The following UST variants were observed in gnomAD, a reference collection of about 807,000 sequenced individuals.
UST encodes uronyl 2-sulfotransferase.
In UST, 21 loss-of-function variants were observed where a neutral mutation model predicts 45.6. That is an observed-to-expected ratio of 0.46 (90% CI 0.33 to 0.66). The LOEUF is 0.66. UST is among the 30% of genes least tolerant of loss of function. UST has a pLI of 0.02. For synonymous variants in UST, 215 were observed against 200.6 expected, an observed-to-expected ratio of 1.07 and a Z score of -0.61; for missense variants, 463 against 512.4, an observed-to-expected ratio of 0.90 and a Z score of 0.93.
In UST at chr6:148,956,477, C is replaced by T. The variant is rs753466169; in HGVS notation, c.527+2526C>T. Reference sequence around the variant, plus strand: ...CACGAGAACAGTATGGGGGAAACCACCCCATGATTCAAATTATCTCCCATC... The same window carrying T: ...CACGAGAACAGTATGGGGGAAACCATCCCATGATTCAAATTATCTCCCATC... On this transcript the variant is annotated intron_variant, in intron 4 of 7. Transcript: ENST00000367463. Among the ~76,000 whole-genome samples, 6 of 152,214 alleles carry T rather than the reference C, an allele frequency of 3.9e-5. No individual in the cohort carries two copies. The South Asian group carries it at 8.3e-4, about 21-fold the overall frequency.
chr6:148,805,778 A>C (rs1158905837), intron 1 of UST, among the ~76,000 whole-genome samples: 1 of 152,174 alleles, frequency 6.6e-6, no homozygotes, highest in Non-Finnish European at 1.5e-5. Flanking sequence ...TGTCTTGAAA[A>C]GTGGTGAATG....
At chr6:149,037,310 T>A (rs1181784247) in intron 7 of UST, among the ~76,000 whole-genome samples, 2 of 152,184 alleles carry the variant, frequency 1.3e-5, no homozygotes, top group Non-Finnish European at 2.9e-5. Context: ...ACCACTCCAT[T>A]TGAGTTTTTT....
chr6:148,987,646 C>T (rs1187223985), intron 5 of UST, among the ~76,000 whole-genome samples: 1 of 152,124 alleles, frequency 6.6e-6, no homozygotes, highest in Non-Finnish European at 1.5e-5. Flanking sequence ...TGTAACTTGC[C>T]ACTTGTACAT....
intron 1 of UST, among the ~76,000 whole-genome samples, chr6:148,844,565 G>T (rs535297371): frequency 2.0e-5 from 3 of 152,084 alleles, no homozygotes; most frequent in Admixed American, 2.0e-4. Flanking sequence ...TTCCCTGTCT[G>T]CTCCAGCCAC....
chr6:148,878,621 TGA>T (rs1778762700), intron 1 of UST, among the ~76,000 whole-genome samples: 1 of 102,898 alleles, frequency 9.7e-6, no homozygotes, highest in Admixed American at 1.3e-4. Flanking sequence ...GTGTCGTGTA[TGA>T]GTGTGGAGAT....
intron 1 of UST, among the ~76,000 whole-genome samples, chr6:148,817,293 C>G (rs964517446): frequency 6.6e-6 from 1 of 152,148 alleles, no homozygotes; most frequent in East Asian, 1.9e-4. Context: ...GTAAATACTG[C>G]TTTATTGGAA....
At chr6:148,974,708 G>A (rs573104200) in intron 5 of UST, among the ~76,000 whole-genome samples, 5 of 152,196 alleles carry the variant, frequency 3.3e-5, no homozygotes, top group Non-Finnish European at 1.5e-5. Flanking sequence ...GACAAGCAAA[G>A]CTTTTAAAAC....
At chr6:148,982,561 A>C (rs1053319146) in intron 5 of UST, among the ~76,000 whole-genome samples, 1 of 152,208 alleles carries the variant, frequency 6.6e-6, no homozygotes, top group Non-Finnish European at 1.5e-5. Context: ...TATCCTCAGC[A>C]AAGTTAATTG....
intron 7 of UST, among the ~76,000 whole-genome samples, chr6:149,022,356 T>C (rs1775992702): frequency 6.6e-6 from 1 of 152,080 alleles, no homozygotes; most frequent in Non-Finnish European, 1.5e-5. Context: ...TCCCAGCATT[T>C]TGGGAGGCCG....
intron 1 of UST, among the ~76,000 whole-genome samples, chr6:148,756,703 T>C (rs1297275944): frequency 6.6e-6 from 1 of 152,252 alleles, no homozygotes; most frequent in African/African-American, 2.4e-5. Flanking sequence ...TACCTTGTAT[T>C]GTGATCATCT....
At chr6:148,750,557 A>G (rs925106387) in intron 1 of UST, among the ~76,000 whole-genome samples, 4 of 152,220 alleles carry the variant, frequency 2.6e-5, no homozygotes, top group Non-Finnish European at 5.9e-5. Flanking sequence ...GTCTGATTGC[A>G]ATACCCATTG....
At chr6:148,787,193 A>G (rs185654131) in intron 1 of UST, among the ~76,000 whole-genome samples, 4 of 152,262 alleles carry the variant, frequency 2.6e-5, no homozygotes, top group Admixed American at 2.6e-4. Context: ...GCTGTGCAGA[A>G]GCTCTTTAGT....
At chr6:148,987,412 G>T (rs1781258721) in intron 5 of UST, among the ~76,000 whole-genome samples, 1 of 152,168 alleles carries the variant, frequency 6.6e-6, no homozygotes, top group Non-Finnish European at 1.5e-5. Context: ...TGCACCAAGT[G>T]GTGTGCCCTA....
intron 1 of UST, among the ~76,000 whole-genome samples, chr6:148,872,576 C>T (rs559038459): frequency 6.6e-6 from 1 of 150,502 alleles, no homozygotes; most frequent in South Asian, 2.1e-4. Context: ...CAACTATTAA[C>T]TTCCTATTGC....
chr6:148,829,180 TG>T (rs1777634951), intron 1 of UST, among the ~76,000 whole-genome samples: 1 of 152,010 alleles, frequency 6.6e-6, no homozygotes, highest in South Asian at 2.1e-4. Flanking sequence ...GATGGATGGA[TG>T]GATGGATGGA....
intron 7 of UST, among the ~76,000 whole-genome samples, chr6:149,054,006 C>G (rs1776527736): frequency 6.6e-6 from 1 of 152,130 alleles, no homozygotes. Flanking sequence ...CACCCCTGTC[C>G]AAGACACCAG....
chr6:148,855,772 C>T (rs1045431644), intron 1 of UST, among the ~76,000 whole-genome samples: 1 of 152,144 alleles, frequency 6.6e-6, no homozygotes, highest in Admixed American at 6.5e-5. Flanking sequence ...CGATGAGATT[C>T]ACTAGAAAGC....
At chr6:148,791,515 T>A (rs1776847489) in intron 1 of UST, among the ~76,000 whole-genome samples, 1 of 152,224 alleles carries the variant, frequency 6.6e-6, no homozygotes, top group African/African-American at 2.4e-5. Flanking sequence ...TCGAGGTCAT[T>A]ATTTCCACTC....
chr6:148,766,087 T>A (rs1256176848), intron 1 of UST, among the ~76,000 whole-genome samples: 1 of 152,244 alleles, frequency 6.6e-6, no homozygotes, highest in East Asian at 1.9e-4. Flanking sequence ...GAATGCTTTT[T>A]CTGCAGCTGT....
Sources: allele counts gnomAD v4.1 joint callset (sites outside exome capture counted in the v4.1 genomes callset), GRCh38; gene constraint gnomAD v4.1.1; transcripts MANE v1.5; gene names NCBI Gene and HGNC (gene_info 2026-07-23, HGNC 2026-07-21).